Variants in PLXNA4 observed in about 807,000 individuals in gnomAD.
The protein encoded by PLXNA4 is plexin A4.
PLXNA4 carries 44 observed loss-of-function variants against 191.8 expected under a neutral mutation model. That is an observed-to-expected ratio of 0.23 (90% CI 0.18 to 0.29). PLXNA4 has a LOEUF of 0.29. Among genes scored for constraint, PLXNA4 ranks in the 10% least tolerant of loss-of-function variants. PLXNA4 has a pLI of 1.00. For synonymous variants in PLXNA4, 1,082 were observed against 1,009.5 expected (o/e 1.07, Z -1.36); for missense variants, 1,800 against 2,488.8 (o/e 0.72, Z 5.89).
intron 3 of PLXNA4, among the ~76,000 whole-genome samples, chr7:132,483,792 C>T (rs1797434518): frequency 2.0e-5 from 3 of 152,320 alleles, no homozygotes; most frequent in South Asian, 4.1e-4. Flanking sequence ...TAGCAATGAT[C>T]ACTTGGAAAA....
At chr7:132,348,003 G>T (rs554790124) in intron 3 of PLXNA4, among the ~76,000 whole-genome samples, 1 of 152,296 alleles carries the variant, frequency 6.6e-6, no homozygotes, top group Non-Finnish European at 1.5e-5. Flanking sequence ...AAGGAAAGGA[G>T]GAAAACATTC....
At chr7:132,568,973 A>G (rs1030710127) in intron 1 of PLXNA4, among the ~76,000 whole-genome samples, 1 of 152,126 alleles carries the variant, frequency 6.6e-6, no homozygotes, top group Non-Finnish European at 1.5e-5. Context: ...ACCCTGACAT[A>G]CCTTCTGCAG....
chr7:132,221,552 G>A (rs1475153348), intron 9 of PLXNA4, among the ~76,000 whole-genome samples: 1 of 152,168 alleles, frequency 6.6e-6, no homozygotes, highest in Non-Finnish European at 1.5e-5. Context: ...GACAGGCCTG[G>A]CCAGGCTGAT....
intron 3 of PLXNA4, among the ~76,000 whole-genome samples, chr7:132,452,561 A>T (rs1796161595): frequency 6.6e-6 from 1 of 152,192 alleles, no homozygotes; most frequent in South Asian, 2.1e-4. Flanking sequence ...GAGCCCTCAC[A>T]CACTGCAAGA....
At chr7:132,235,494 T>TG (rs1798668114) in intron 5 of PLXNA4, among the ~76,000 whole-genome samples, 1 of 152,196 alleles carries the variant, frequency 6.6e-6, no homozygotes, top group Non-Finnish European at 1.5e-5. Flanking sequence ...AAGTAACCCC[T>TG]GCCAACCTAT....
intron 3 of PLXNA4, among the ~76,000 whole-genome samples, chr7:132,326,359 A>G (rs567298695): frequency 2.6e-5 from 4 of 152,342 alleles, no homozygotes; most frequent in South Asian, 4.2e-4. Context: ...ATGTAAATAA[A>G]TGAACACACA....
chr7:132,183,562 A>G (rs935014818), intron 16 of PLXNA4, among the ~76,000 whole-genome samples: 3 of 152,226 alleles, frequency 2.0e-5, no homozygotes, highest in Admixed American at 1.3e-4. Context: ...CTCTATTTCT[A>G]TGAGGATGAC....
chr7:132,330,460 C>A (rs144733051), intron 3 of PLXNA4, among the ~76,000 whole-genome samples: 1 of 152,174 alleles, frequency 6.6e-6, no homozygotes, highest in Non-Finnish European at 1.5e-5. Context: ...AGAGAAAGGG[C>A]GGAAAAGGTC....
intron 3 of PLXNA4, among the ~76,000 whole-genome samples, chr7:132,439,047 G>A (rs1267755439): frequency 4.6e-5 from 7 of 152,200 alleles, no homozygotes; most frequent in Admixed American, 2.6e-4. Flanking sequence ...TGGCAAGAAC[G>A]TCAACAGTCC....
chr7:132,243,179 T>C (rs971113822), intron 4 of PLXNA4, among the ~76,000 whole-genome samples: 1 of 152,120 alleles, frequency 6.6e-6, no homozygotes, highest in African/African-American at 2.4e-5. Context: ...CAAAACATAA[T>C]GCACAGAGGG....
At chr7:132,586,489 G>A (rs1480557574) in intron 2 of PLXNA4, among the ~76,000 whole-genome samples, 5 of 152,162 alleles carry the variant, frequency 3.3e-5, no homozygotes, top group Admixed American at 2.0e-4. Context: ...GGTGGCTCAC[G>A]CCTATGATCC....
At chr7:132,315,295 C>G (rs11762290) in intron 3 of PLXNA4, among the ~76,000 whole-genome samples, 37,452 of 152,082 alleles carry the variant, frequency 0.25, 5,831 homozygotes, top group African/African-American at 0.42. Flanking sequence ...CAGAAATGCA[C>G]ACATTTCAAA....
In PLXNA4 at chr7:132,484,498, G is replaced by A. The variant is rs115217138; in HGVS notation, c.1371+4794C>T. 3.9e-3 allele frequency among the ~76,000 whole-genome samples: 591 copies of A among 152,312 alleles called. 2 individuals are homozygous for A. The highest frequency in any genetic ancestry group is 0.014 in the African/African-American group (573 of 41,556). ...GGATGGAAAATGCAGACACAATATA[G>A]CAAATAGAGGGTCTTTTCCTGTCAT... is the stretch of plus-strand genomic sequence containing the variant. On this transcript the variant is annotated intron_variant, in intron 3 of 31. Coordinates refer to ENST00000321063, the MANE Select transcript of PLXNA4 (RefSeq NM_020911.2).
intron 5 of PLXNA4, among the ~76,000 whole-genome samples, chr7:132,232,838 C>T (rs1005918611): frequency 2.0e-5 from 3 of 152,246 alleles, no homozygotes; most frequent in South Asian, 2.1e-4. Context: ...TATTAACTCC[C>T]GGTGCCGCTG....
rs78557901 is a variant in PLXNA4 at position 132,401,199 on chromosome 7, T to C, written c.1371+88093A>G. ...ACCAGTCAATTTTCCATTTGTGATA[T>C]TGTACTATAGTTATGCAAAATGATG... On this transcript the variant is annotated intron_variant, in intron 3 of 31. Coordinates refer to ENST00000321063, the MANE Select transcript of PLXNA4 (RefSeq NM_020911.2). 1.6e-4 allele frequency among the ~76,000 whole-genome samples: 25 copies of C among 152,224 alleles called. 1 individual carries two copies.
Position 132,494,435 on chromosome 7 carries a change from C to G in PLXNA4, c.1189-4961G>C, listed in dbSNP as rs78675101. Among the ~76,000 whole-genome samples the G allele has an allele frequency of 2.1e-4, 32 of 152,284 alleles. No homozygotes were observed. The East Asian group carries it at 5.4e-3, about 26-fold the overall frequency. On this transcript the variant is annotated intron_variant, in intron 2 of 31. Coordinates refer to ENST00000321063, the MANE Select transcript of PLXNA4 (RefSeq NM_020911.2). ...CCCTCTTGCTAAGGTTTGAGAAGCACTGGCCTGGATCACCATGGAGGGCCC... is the reference window on the plus strand; with the variant it reads ...CCCTCTTGCTAAGGTTTGAGAAGCAGTGGCCTGGATCACCATGGAGGGCCC...
chr7:132,252,582 T>A (rs1440486607), intron 4 of PLXNA4, among the ~76,000 whole-genome samples: 1 of 152,162 alleles, frequency 6.6e-6, no homozygotes, highest in Non-Finnish European at 1.5e-5. Flanking sequence ...ATTATAGGCG[T>A]GAGTCACCAT....
rs1203421237 is a variant in PLXNA4, at chr7:132,297,948, C to T, written c.1503+143G>A. The T allele has an allele frequency of 2.3e-5, 25 of 1,065,270 alleles. No homozygotes were observed. In the Admixed American group the frequency reaches 3.3e-4, roughly 14 times the overall value. 66.0% of individuals were successfully genotyped at this position (1,065,270 alleles called of 1,614,324 possible). A position where few individuals can be genotyped will look rare whatever the true frequency, so the allele number is the denominator to read the frequency against. On this transcript the variant is annotated intron_variant, in intron 4 of 31. Transcript: ENST00000321063. ...AAGCCTCAGTCCCCAGGCAGCATAA[C>T]TGAAAAGTATAACTGAAAAGATACA... is the stretch of plus-strand genomic sequence containing the variant.
chr7:132,394,792 A>C (rs1793679796), intron 3 of PLXNA4, among the ~76,000 whole-genome samples: 1 of 152,218 alleles, frequency 6.6e-6, no homozygotes, highest in Non-Finnish European at 1.5e-5. Context: ...GTCATGAGGA[A>C]GCTGCTGGTC....
Sources: gnomAD v4.1 joint callset for allele counts (sites outside exome capture counted in the v4.1 genomes callset) on GRCh38, gnomAD v4.1.1 for gene constraint, MANE v1.5 for transcripts, NCBI Gene and HGNC (gene_info 2026-07-23, HGNC 2026-07-21) for gene names.